NSMCE1: variants seen among roughly 807,000 people sequenced by gnomAD.
NSMCE1 encodes the protein non-structural maintenance of chromosomes element 1 homolog.
In NSMCE1, 18 loss-of-function variants were observed where a neutral mutation model predicts 29.6. That is an observed-to-expected ratio of 0.61 (90% CI 0.42 to 0.90). NSMCE1 has a LOEUF of 0.90. Among genes scored for constraint, NSMCE1 ranks in the 40% least tolerant of loss-of-function variants. The pLI is 0.00. For synonymous variants in NSMCE1, 124 were observed against 133.4 expected (o/e 0.93, Z 0.49); for missense variants, 314 against 343.6 (o/e 0.91, Z 0.68).
Position 27,261,863 on chromosome 16 carries a change from A to C in NSMCE1, c.-11-4282T>G, listed in dbSNP as rs1023221816. Among the ~76,000 whole-genome samples, 9 of 152,384 alleles carry C rather than the reference A, an allele frequency of 5.9e-5. No individual in the cohort carries two copies. The East Asian group carries it at 1.7e-3, about 29-fold the overall frequency. On this transcript the variant is annotated intron_variant, in intron 1 of 7. Coordinates refer to ENST00000361439, the MANE Select transcript of NSMCE1 (RefSeq NM_145080.4). ...AGATATGTAAAAGGAATGACATATCATCACTTAGGTTTATTCCAGCAATGG... is the reference window on the plus strand; with the variant it reads ...AGATATGTAAAAGGAATGACATATCCTCACTTAGGTTTATTCCAGCAATGG...
rs569113323 is a variant in NSMCE1 at position 27,229,055 on chromosome 16, C to T, written c.484-2219G>A. On this transcript the variant is annotated intron_variant, in intron 5 of 7. Transcript: ENST00000361439. ...TCACCCCCACCCCAGGGCTTCCCAC[C>T]ACCCTTAGGTCCAAGAGCCAAGCCC... Among the ~76,000 whole-genome samples, 44 of 152,284 alleles carry T rather than the reference C, an allele frequency of 2.9e-4. No individual in the cohort carries two copies. The South Asian group carries it at 8.5e-3, about 29-fold the overall frequency.
At chr16:27,256,632 T>C (rs925996243) in intron 2 of NSMCE1, among the ~76,000 whole-genome samples, 1 of 152,228 alleles carries the variant, frequency 6.6e-6, no homozygotes, top group African/African-American at 2.4e-5. Flanking sequence ...TATCTGCCAA[T>C]GCTAATTCGA....
chr16:27,234,694 C>G (rs545619251), intron 3 of NSMCE1, among the ~76,000 whole-genome samples: 10 of 152,314 alleles, frequency 6.6e-5, no homozygotes, highest in African/African-American at 2.4e-4. Flanking sequence ...TAGAGTGCCC[C>G]TTTCTGAGTG....
At chr16:27,260,548 C>T (rs573132352) in intron 1 of NSMCE1, among the ~76,000 whole-genome samples, 2 of 152,192 alleles carry the variant, frequency 1.3e-5, no homozygotes, top group South Asian at 4.2e-4. Context: ...AGCTTAAAGA[C>T]AAGGACTGTT....
chr16:27,248,958 A>G (rs1296795213), intron 2 of NSMCE1, among the ~76,000 whole-genome samples: 2 of 151,102 alleles, frequency 1.3e-5, no homozygotes, highest in Non-Finnish European at 3.0e-5. Context: ...CCTCCCAAGT[A>G]GCTGAAACTA....
intron 5 of NSMCE1, among the ~76,000 whole-genome samples, chr16:27,229,721 T>C (rs2083742754): frequency 6.6e-6 from 1 of 152,148 alleles, no homozygotes; most frequent in Admixed American, 6.5e-5. Flanking sequence ...GGATTACAGA[T>C]GCCCGCCACC....
At chr16:27,233,863 C>G (rs2083788375) in intron 4 of NSMCE1, 1 of 321,980 alleles carries the variant, frequency 3.1e-6, no homozygotes, top group East Asian at 6.4e-5. Flanking sequence ...GGCGATGCTG[C>G]TGCTGCTGCC....
chr16:27,229,349 C>T (rs192655722), intron 5 of NSMCE1, among the ~76,000 whole-genome samples: 9 of 152,326 alleles, frequency 5.9e-5, no homozygotes, highest in African/African-American at 4.8e-5. Flanking sequence ...GTGAGATGAC[C>T]GTCTCACTGA....
rs2140982307 is a variant in NSMCE1 at position 27,225,187 on chromosome 16, G to T, written c.771C>A (p.Asn257Lys). Reference protein sequence around the residue: ...KERESGVLKSNKKSLRSRQH With the variant: ...KERESGVLKSKKKSLRSRQH Reference sequence around the variant, plus strand: ...GCTGCCTGGACCGCAGGGACTTTTTGTTCGATTTCAAGACACCAGACTCCC... The same window carrying T: ...GCTGCCTGGACCGCAGGGACTTTTTTTTCGATTTCAAGACACCAGACTCCC... The change falls in exon 8 of 8, where the codon AAC (asparagine) becomes AAA (lysine). Residue 257 changes from asparagine (N) to lysine (K), a missense_variant. Coordinates refer to ENST00000361439, the MANE Select transcript of NSMCE1 (RefSeq NM_145080.4). 1 of 1,606,862 alleles carries T rather than the reference G, an allele frequency of 6.2e-7. No individual in the cohort carries two copies. The highest frequency in any genetic ancestry group is 8.5e-7 in the Non-Finnish European group (1 of 1,175,858).
intron 5 of NSMCE1, among the ~76,000 whole-genome samples, chr16:27,228,165 C>A (rs912884604): frequency 1.3e-5 from 2 of 152,134 alleles, no homozygotes; most frequent in African/African-American, 4.8e-5. Context: ...GGTGTGCTTG[C>A]GTAATCTGGG....
intron 6 of NSMCE1, 150 bp from the exon 7 acceptor site, chr16:27,225,996 TAGTGCAGTGG>T: frequency 1.2e-6 from 1 of 859,452 alleles, no homozygotes; most frequent in Admixed American, 2.5e-5. Flanking sequence ...CCAAACGCCT[TAGTGCAGTGG>T]AGTCTTTTGT....
chr16:27,241,737 C>G (rs1293176053), intron 2 of NSMCE1: 2 of 354,020 alleles, frequency 5.6e-6, no homozygotes, highest in Admixed American at 3.1e-5. Flanking sequence ...CACTTAGTGA[C>G]GAACCGTCCT....
rs1297426379 is a variant in NSMCE1, at chr16:27,257,547, C to T, written c.24G>A (p.Met8Ile). The change falls in exon 2 of 8, where the codon ATG becomes ATA. Residue 8 changes from methionine (M) to isoleucine (I), a missense_variant. Coordinates refer to ENST00000361439, the MANE Select transcript of NSMCE1 (RefSeq NM_145080.4). MQGSTRR[M>I]GVMTDVHRRF... ...GCCGGTGGACATCAGTCATGACGCC[C>T]ATTCTCCTTGTGCTGCCCTGCATGT... 2 of 1,613,488 alleles carry T rather than the reference C, an allele frequency of 1.2e-6. No homozygotes were observed. Among genetic ancestry groups the T allele is most frequent in the Non-Finnish European group, 1.7e-6 (2 of 1,179,760 alleles).
Position 27,229,001 on chromosome 16 carries a change from C to T in NSMCE1, c.484-2165G>A, listed in dbSNP as rs147975591. 6.2e-4 allele frequency among the ~76,000 whole-genome samples: 94 copies of T among 152,244 alleles called. 1 individual carries two copies. In the East Asian group the frequency reaches 0.018, roughly 29 times the overall value. ...TCTCCTCCAGCAACGCACTCGCTAC[C>T]GAACAAGCCTGGCCCTGTCACTCCC... On this transcript the variant is annotated intron_variant, in intron 5 of 7. Coordinates refer to ENST00000361439, the MANE Select transcript of NSMCE1 (RefSeq NM_145080.4).
intron 2 of NSMCE1, among the ~76,000 whole-genome samples, chr16:27,256,304 C>G (rs927201957): frequency 6.6e-6 from 1 of 152,174 alleles, no homozygotes; most frequent in Non-Finnish European, 1.5e-5. Context: ...TGTTGTTAGG[C>G]TAATAATGTC....
At chr16:27,238,570 C>T (rs2083854021) in intron 2 of NSMCE1, among the ~76,000 whole-genome samples, 1 of 150,356 alleles carries the variant, frequency 6.7e-6, no homozygotes, top group Non-Finnish European at 1.5e-5. Flanking sequence ...TTGTCTTTCT[C>T]TTACATTTGC....
intron 4 of NSMCE1, 107 bp downstream of exon 4, chr16:27,234,081 T>C (rs1596674648): frequency 5.3e-6 from 4 of 756,140 alleles, no homozygotes; most frequent in Non-Finnish European, 9.5e-6. Context: ...TGGTGGCCCA[T>C]GTCCCCCCAG....
intron 2 of NSMCE1, chr16:27,241,718 G>A: frequency 3.2e-6 from 1 of 315,680 alleles, no homozygotes; most frequent in Non-Finnish European, 6.6e-6. Flanking sequence ...TGGCTGGTCT[G>A]TGGTAGATCA....
At position 27,236,706 on chromosome 16, in the gene NSMCE1, G is replaced by GA. The variant is rs1332086349; in HGVS notation, c.137-1408dup. Among the ~76,000 whole-genome samples the GA allele has an allele frequency of 4.0e-5, 6 of 151,630 alleles. No homozygotes were observed. The East Asian group carries it at 7.7e-4, about 20-fold the overall frequency. On this transcript the variant is annotated intron_variant, in intron 2 of 7. Transcript: ENST00000361439. ...ATTCATGCCTTAGAAAATCATTCTG[G>GA]AAAAAAAACTGCAAGAAAAAATGGA...
Sources: allele counts gnomAD v4.1 joint callset (sites outside exome capture counted in the v4.1 genomes callset), GRCh38; gene constraint gnomAD v4.1.1; transcripts MANE v1.5; gene names NCBI Gene and HGNC (gene_info 2026-07-23, HGNC 2026-07-21).